The following OSBPL10 variants were observed in gnomAD, a reference collection of about 807,000 sequenced individuals.
OSBPL10 encodes oxysterol-binding protein-related protein 10.
A neutral mutation model predicts 81.7 loss-of-function variants in OSBPL10; 49 were observed. The ratio of observed to expected loss-of-function variants is 0.60; its 90% CI spans 0.48 to 0.76. The LOEUF (loss-of-function observed/expected upper bound fraction) is 0.76, where lower values mean the gene tolerates loss of function less well. Ranked by LOEUF, OSBPL10 falls within the 30% of genes least tolerant of loss-of-function variation. OSBPL10 has a pLI of 0.00. For missense variants in OSBPL10, 923 were observed against 987.8 expected (o/e 0.93, Z 0.88); for synonymous variants, 419 against 383.6 (o/e 1.09, Z -1.08).
At chr3:31,845,534 A>ATTC (rs1385198939) in intron 3 of OSBPL10, among the ~76,000 whole-genome samples, 2 of 152,222 alleles carry the variant, frequency 1.3e-5, no homozygotes, top group African/African-American at 4.8e-5. Flanking sequence ...TAGTAAGAAA[A>ATTC]AAGTTAAACT....
At chr3:31,666,649 A>C (rs757463441) in intron 10 of OSBPL10, among the ~76,000 whole-genome samples, 1 of 152,122 alleles carries the variant, frequency 6.6e-6, no homozygotes, top group African/African-American at 2.4e-5. Flanking sequence ...TGGAGGATAC[A>C]TTTGGAGACC....
At chr3:31,708,965 G>A (rs901884210) in intron 6 of OSBPL10, 32 of 985,322 alleles carry the variant, frequency 3.2e-5, no homozygotes, top group Admixed American at 6.1e-5. Flanking sequence ...TCCTGCACAC[G>A]TACTATCCTC....
intron 5 of OSBPL10, among the ~76,000 whole-genome samples, chr3:31,747,449 T>G (rs1697559214): frequency 7.5e-6 from 1 of 133,068 alleles, no homozygotes; most frequent in Non-Finnish European, 1.5e-5. Context: ...TTTGTCATTT[T>G]AAGGTACCCA....
At chr3:31,945,755 G>A (rs1214391305) in intron 1 of OSBPL10, among the ~76,000 whole-genome samples, 14 of 152,250 alleles carry the variant, frequency 9.2e-5, no homozygotes, top group Middle Eastern at 3.4e-3. Context: ...CTGCTTTTCT[G>A]ACACCCTTGT....
intron 2 of OSBPL10, among the ~76,000 whole-genome samples, chr3:32,014,846 T>C (rs1410298067): frequency 6.6e-6 from 1 of 152,130 alleles, no homozygotes; most frequent in African/African-American, 2.4e-5. Flanking sequence ...CCATTCACAA[T>C]TGCTTCAAAG....
intron 7 of OSBPL10, among the ~76,000 whole-genome samples, chr3:31,685,045 G>A (rs1700757013): frequency 6.6e-6 from 1 of 152,130 alleles, no homozygotes; most frequent in Non-Finnish European, 1.5e-5. Context: ...GTAACCCAAT[G>A]ATTATTTAAT....
chr3:31,675,888 G>C (rs968362415), intron 8 of OSBPL10, among the ~76,000 whole-genome samples: 2 of 149,240 alleles, frequency 1.3e-5, no homozygotes, highest in East Asian at 2.0e-4. Context: ...GGAGCTTGCA[G>C]TGAGCCGAGA....
chr3:31,738,814 T>C (rs1391631332), intron 5 of OSBPL10, among the ~76,000 whole-genome samples: 1 of 152,090 alleles, frequency 6.6e-6, no homozygotes, highest in Non-Finnish European at 1.5e-5. Context: ...TCAGAAATGA[T>C]TCTTCTTGCA....
chr3:31,848,103 AAG>A (rs573757129), intron 3 of OSBPL10, among the ~76,000 whole-genome samples: 237 of 152,210 alleles, frequency 1.6e-3, no homozygotes, highest in Middle Eastern at 3.4e-3. Flanking sequence ...TGTGCTATAC[AAG>A]ATGATGCAGA....
At chr3:31,912,620 G>C (rs1236898916) in intron 1 of OSBPL10, among the ~76,000 whole-genome samples, 2 of 152,140 alleles carry the variant, frequency 1.3e-5, no homozygotes, top group Non-Finnish European at 2.9e-5. Context: ...TTGAAGCCTT[G>C]AAGTATTTTG....
chr3:31,866,410 ACAGTGGCTT>A (rs1446987406), intron 3 of OSBPL10, among the ~76,000 whole-genome samples: 2 of 152,200 alleles, frequency 1.3e-5, no homozygotes, highest in Non-Finnish European at 2.9e-5. Context: ...ACAAGTGGGA[ACAGTGGCTT>A]CAGGACACAC....
chr3:31,938,427 G>T (rs1237775685), intron 1 of OSBPL10, among the ~76,000 whole-genome samples: 1 of 152,148 alleles, frequency 6.6e-6, no homozygotes, highest in Non-Finnish European at 1.5e-5. Flanking sequence ...AGATTCAGGG[G>T]CTCCATTCTG....
chr3:31,870,005 G>A (rs1575591699), intron 3 of OSBPL10, among the ~76,000 whole-genome samples: 1 of 152,236 alleles, frequency 6.6e-6, no homozygotes, highest in African/African-American at 2.4e-5. Context: ...CTCTGCCTGG[G>A]CTCCCACTTT....
intron 3 of OSBPL10, among the ~76,000 whole-genome samples, chr3:31,868,187 G>A (rs1701230397): frequency 1.3e-5 from 2 of 152,110 alleles, no homozygotes. Context: ...CTGGGGGTGG[G>A]GTCTGGGGTG....
In OSBPL10 at chr3:32,069,501, C is replaced by T. The variant is rs180991292; in HGVS notation, n.185+7895G>A. ...TTAAAGAAACTACCCAAGGTAAAGA[C>T]GAAAACCCAGCCCAGTTCATGGCCC... On this transcript the variant is annotated intron_variant and non_coding_transcript_variant, in intron 1 of 3. Coordinates refer to the OSBPL10 transcript ENST00000479173. Among the ~76,000 whole-genome samples the T allele has an allele frequency of 3.7e-3, 570 of 152,298 alleles. 2 individuals are homozygous for T. Among genetic ancestry groups the T allele is most frequent in the South Asian group, 0.019 (90 of 4,820 alleles).
intron 6 of OSBPL10, chr3:31,732,868 G>A: frequency 3.9e-6 from 1 of 254,708 alleles, no homozygotes; most frequent in Non-Finnish European, 7.5e-6. Flanking sequence ...TGTGAGGCAA[G>A]AGCTTGTATC....
chr3:32,019,454 T>C (rs1699342567), intron 2 of OSBPL10, among the ~76,000 whole-genome samples: 1 of 152,168 alleles, frequency 6.6e-6, no homozygotes, highest in Non-Finnish European at 1.5e-5. Context: ...AGCTAAGTCT[T>C]ATGGCTGAAT....
chr3:31,797,053 G>A (rs1232920733), intron 4 of OSBPL10, among the ~76,000 whole-genome samples: 1 of 129,174 alleles, frequency 7.7e-6, no homozygotes, highest in Admixed American at 9.3e-5. Context: ...GGAGTGCAAT[G>A]GCGCCATCTT....
intron 2 of OSBPL10, among the ~76,000 whole-genome samples, chr3:32,003,377 A>G (rs1699170411): frequency 6.6e-6 from 1 of 152,208 alleles, no homozygotes; most frequent in African/African-American, 2.4e-5. Flanking sequence ...GAGGTTTCCT[A>G]AGGCACCTGG....
Sources: allele counts gnomAD v4.1 joint callset (sites outside exome capture counted in the v4.1 genomes callset), GRCh38; gene constraint gnomAD v4.1.1; transcripts MANE v1.5; gene names NCBI Gene and HGNC (gene_info 2026-07-23, HGNC 2026-07-21).